KANSL1: variants seen among roughly 807,000 people sequenced by gnomAD.
KANSL1 encodes KAT8 regulatory NSL complex subunit 1, also known as MLL1/MLL complex subunit KANSL1.
A neutral mutation model predicts 103.6 loss-of-function variants in KANSL1; 22 were observed. That is an observed-to-expected ratio of 0.21 (90% CI 0.15 to 0.30). The LOEUF (loss-of-function observed/expected upper bound fraction) is 0.30, where lower values mean the gene tolerates loss of function less well. Ranked by LOEUF, KANSL1 falls within the 10% of genes least tolerant of loss-of-function variation. The probability of loss-of-function intolerance (pLI) is 1.00; values close to 1 mark genes in which losing one functional copy is unlikely to be tolerated. For missense variants in KANSL1, 1,337 were observed against 1,399.8 expected, an observed-to-expected ratio of 0.96 and a Z score of 0.72; for synonymous variants, 600 against 527.6, an observed-to-expected ratio of 1.14 and a Z score of -1.88.
At position 46,171,547 on chromosome 17, in the gene KANSL1, C is replaced by G; in HGVS notation, c.597G>C (p.Gly199=). ...AATTGGTCATACCCCCCTTCAAGTCCCCAGATTCAGATCCTCCCATTTCAC... is the reference window on the plus strand; with the variant it reads ...AATTGGTCATACCCCCCTTCAAGTCGCCAGATTCAGATCCTCCCATTTCAC... The part of the protein sequence containing the change: ...HGGEMGGSES[G]DLKGGMTNCT... The change falls in exon 2 of 15, where the codon GGG becomes GGC. Residue 199 remains glycine (G), a synonymous_variant. Transcript: ENST00000432791. The G allele has an allele frequency of 6.2e-7, 1 of 1,611,466 alleles. No individual in the cohort carries two copies. The highest frequency in any genetic ancestry group is 8.5e-7 in the Non-Finnish European group (1 of 1,178,792).
chr17:46,127,513 T>C (rs2043632599), intron 2 of KANSL1, among the ~76,000 whole-genome samples: 1 of 152,248 alleles, frequency 6.6e-6, no homozygotes, highest in Admixed American at 6.5e-5. Flanking sequence ...GGCTCACACC[T>C]GCAATCCCAA....
At chr17:46,076,920 A>G (rs1415724933) in intron 4 of KANSL1, among the ~76,000 whole-genome samples, 1 of 152,134 alleles carries the variant, frequency 6.6e-6, no homozygotes, top group Non-Finnish European at 1.5e-5. Flanking sequence ...TCTAATTCTC[A>G]CAGGTTTAGG....
chr17:46,126,318 T>C (rs576435801), intron 2 of KANSL1, among the ~76,000 whole-genome samples: 3 of 152,192 alleles, frequency 2.0e-5, no homozygotes, highest in Admixed American at 2.0e-4. Flanking sequence ...GATGGGCGCC[T>C]GTAATCCCAG....
intron 4 of KANSL1, among the ~76,000 whole-genome samples, chr17:46,081,763 C>A (rs746767965): frequency 6.6e-5 from 10 of 152,132 alleles, no homozygotes; most frequent in Non-Finnish European, 1.2e-4. Flanking sequence ...GAAGCATAAT[C>A]AAAATAATAA....
chr17:46,054,002 T>G (rs28689858), intron 6 of KANSL1, among the ~76,000 whole-genome samples: 1 of 152,170 alleles, frequency 6.6e-6, no homozygotes, highest in African/African-American at 2.4e-5. Flanking sequence ...ATGGTGTGCA[T>G]GTGTAGCCCT....
chr17:46,077,695 T>A (rs1429043942), intron 4 of KANSL1, among the ~76,000 whole-genome samples: 1 of 152,116 alleles, frequency 6.6e-6, no homozygotes, highest in African/African-American at 2.4e-5. Context: ...GTAGCTGGGA[T>A]TACAGGTGTC....
At chr17:46,091,811 A>T (rs1222930014) in intron 3 of KANSL1, among the ~76,000 whole-genome samples, 1 of 151,590 alleles carries the variant, frequency 6.6e-6, no homozygotes, top group East Asian at 1.9e-4. Context: ...GTATATATGT[A>T]AGTATGTATG....
intron 1 of KANSL1, among the ~76,000 whole-genome samples, chr17:46,187,081 T>C (rs2047070781): frequency 6.6e-6 from 1 of 152,030 alleles, no homozygotes; most frequent in Non-Finnish European, 1.5e-5. Flanking sequence ...AACCAGAAAC[T>C]AGCTACAGTA....
At chr17:46,086,112 A>G (rs566959521) in intron 3 of KANSL1, among the ~76,000 whole-genome samples, 11 of 152,370 alleles carry the variant, frequency 7.2e-5, no homozygotes, top group Admixed American at 4.6e-4. Flanking sequence ...GCCAGAAGAT[A>G]AATAAATCTA....
chr17:46,031,601 G>A lies in KANSL1; in HGVS notation c.3193C>T (p.Arg1065Ter), dbSNP rs2146300587. 2 of 1,614,114 alleles carry A rather than the reference G, an allele frequency of 1.2e-6. No individual in the cohort carries two copies. Among genetic ancestry groups the A allele is most frequent in the East Asian group, 2.2e-5 (1 of 44,874 alleles). The change falls in exon 15 of 15, where the codon CGA becomes TGA. Residue 1065 changes from arginine (R) to a stop codon, truncating the protein, a stop_gained. Transcript: ENST00000432791. LOFTEE classifies it high-confidence loss of function. ...DAQERAARCT[R>*]RTSGSKTGRE... ...CCAGTCTTGCTGCCTGAGGTGCGTC[G>A]AGTGCAGCGGGCTGCTCGCTCCTGT...
intron 1 of KANSL1, among the ~76,000 whole-genome samples, chr17:46,186,245 T>C (rs1223447133): frequency 6.6e-6 from 1 of 150,788 alleles, no homozygotes; most frequent in Non-Finnish European, 1.5e-5. Context: ...TAGCTGAGCA[T>C]GATGGCGGGC....
At chr17:46,170,754 C>G in intron 2 of KANSL1, 101 bp downstream of exon 2, 1 of 1,296,208 alleles carries the variant, frequency 7.7e-7, no homozygotes, top group Non-Finnish European at 1.1e-6. Context: ...AACCTAGACA[C>G]CTATGTACAA....
chr17:46,032,681 G>C lies in KANSL1; in HGVS notation c.2838-382C>G. The C allele has an allele frequency of 6.1e-6, 2 of 329,694 alleles. 1 individual carries two copies. The highest frequency in any genetic ancestry group is 2.0e-4 in the South Asian group (2 of 9,996). 20.4% of individuals were successfully genotyped at this position (329,694 alleles called of 1,614,324 possible). A position where few individuals can be genotyped will look rare whatever the true frequency, so the allele number is the denominator to read the frequency against. On this transcript the variant is annotated intron_variant, in intron 13 of 14. Coordinates refer to ENST00000432791, the MANE Select transcript of KANSL1 (RefSeq NM_015443.4). ...CACTGTTAACAATAAATGGAGACAG[G>C]GTAGTGATGGACGTTAAGGGGGGGC...
chr17:46,074,331 A>C (rs62060834), intron 4 of KANSL1, among the ~76,000 whole-genome samples: 6 of 152,088 alleles, frequency 3.9e-5, no homozygotes, highest in African/African-American at 1.4e-4. Flanking sequence ...TATCCATGGG[A>C]CCATCCTGAT....
intron 1 of KANSL1, among the ~76,000 whole-genome samples, chr17:46,190,177 T>C (rs1026065972): frequency 6.6e-6 from 1 of 152,364 alleles, no homozygotes; most frequent in Admixed American, 6.5e-5. Context: ...TTACTAGAGA[T>C]GGAAGAGTAG....
At chr17:46,121,663 T>C (rs76924476) in intron 2 of KANSL1, among the ~76,000 whole-genome samples, 21,656 of 151,808 alleles carry the variant, frequency 0.14, 2,125 homozygotes, top group Non-Finnish European at 0.22. Context: ...TGTTATTTTA[T>C]TGACCCCCCC....
intron 2 of KANSL1, among the ~76,000 whole-genome samples, chr17:46,098,079 T>G (rs1302468543): frequency 6.7e-6 from 1 of 149,778 alleles, no homozygotes; most frequent in Non-Finnish European, 1.5e-5. Context: ...GCTTCAATGT[T>G]GGCTGCAGGT....
intron 1 of KANSL1, among the ~76,000 whole-genome samples, chr17:46,202,048 G>A (rs896136776): frequency 3.9e-5 from 6 of 152,062 alleles, no homozygotes; most frequent in Non-Finnish European, 5.9e-5. Flanking sequence ...CCGTGCATCT[G>A]TACCAGTTAG....
At chr17:46,114,308 A>C (rs1022276538) in intron 2 of KANSL1, among the ~76,000 whole-genome samples, 5 of 152,152 alleles carry the variant, frequency 3.3e-5, no homozygotes, top group Non-Finnish European at 5.9e-5. Context: ...GCAGTGAGCC[A>C]AGATCGCGCC....
Sources: allele counts gnomAD v4.1 joint callset (sites outside exome capture counted in the v4.1 genomes callset), GRCh38; gene constraint gnomAD v4.1.1; transcripts MANE v1.5; gene names NCBI Gene and HGNC (gene_info 2026-07-23, HGNC 2026-07-21).